MAP3K4: variants seen among roughly 807,000 people sequenced by gnomAD.
The protein encoded by MAP3K4 is mitogen-activated protein kinase kinase kinase 4, also known as MAP three kinase 1.
MAP3K4 carries 67 observed loss-of-function variants against 185.6 expected under a neutral mutation model. The observed-to-expected ratio is 0.36, with a 90% CI of 0.30 to 0.44. MAP3K4 has a LOEUF of 0.44. Among genes scored for constraint, MAP3K4 ranks in the 20% least tolerant of loss-of-function variants. The pLI, the probability that MAP3K4 is intolerant of heterozygous loss-of-function variation, is 1.00. For missense variants in MAP3K4, 1,551 were observed against 1,995.1 expected (o/e 0.78, Z 4.24); for synonymous variants, 702 against 710.4 (o/e 0.99, Z 0.19).
intron 23 of MAP3K4, 98 bp from the exon 24 acceptor site, chr6:161,111,738 T>C: frequency 8.6e-7 from 1 of 1,164,892 alleles, no homozygotes; most frequent in Non-Finnish European, 1.2e-6. Flanking sequence ...TTCGATTGTT[T>C]AGCTTGTGAA....
chr6:161,073,519 C>T lies in MAP3K4; in HGVS notation c.2004C>T (p.Tyr668=), dbSNP rs1445887940. ...VLKGGLLMKQ[Y]YQFMLQEVLE... is the part of the protein sequence containing the mutation. ...AGGGCGGCCTGCTGATGAAGCAGTA[C>T]TACCAGTTCATGCTGCAGGAGGTTC... Residue 668 remains tyrosine, a synonymous_variant, in exon 5 of 27, where the codon TAC becomes TAT. Transcript: ENST00000392142. The surrounding 1 kb of genome is among the most constrained non-coding windows in gnomAD (Gnocchi z 4.2). The T allele has an allele frequency of 6.2e-7, 1 of 1,613,762 alleles. No homozygotes were observed. Among genetic ancestry groups the T allele is most frequent in the East Asian group, 2.2e-5 (1 of 44,850 alleles).
Position 161,048,638 on chromosome 6 carries a change from G to C in MAP3K4, c.366G>C (p.Gln122His). Reference sequence around the variant, plus strand: ...TAGAAAAAATGAATGCACCAAATCAGCCTCCACATAAAGACACTGGAAAAA... The same window carrying C: ...TAGAAAAAATGAATGCACCAAATCACCCTCCACATAAAGACACTGGAAAAA... ...NLKEKMNAPN[Q>H]PPHKDTGKTV... The change falls in exon 3 of 27, where the codon CAG becomes CAC. Residue 122 changes from glutamine (Q) to histidine (H), a missense_variant. By Grantham distance (24) the Gln-to-His change is conservative. This residue lies in a region of MAP3K4 where 287 missense variants were observed against 268.8 expected (regional missense o/e 1.07). Transcript: ENST00000392142. The surrounding 1 kb of genome is among the most constrained non-coding windows in gnomAD (Gnocchi z 4.7). 1 of 1,590,666 alleles carries C rather than the reference G, an allele frequency of 6.3e-7. No individual in the cohort carries two copies. Among genetic ancestry groups the C allele is most frequent in the Non-Finnish European group, 8.5e-7 (1 of 1,172,260 alleles).
chr6:161,012,649 G>A (rs770647439), intron 1 of MAP3K4, among the ~76,000 whole-genome samples: 8 of 152,106 alleles, frequency 5.3e-5, no homozygotes, highest in Non-Finnish European at 1.0e-4. Context: ...GCAGAATACC[G>A]GGAATCTGGT....
chr6:161,097,237 CT>C lies in MAP3K4; in HGVS notation c.3524+65del, dbSNP rs537453728. ...GTGCCCTCCGATATGCATGCTCATACTTTTGAAACTACTAGATGCTTGCTCT... is the reference window on the plus strand; with the variant it reads ...GTGCCCTCCGATATGCATGCTCATACTTTGAAACTACTAGATGCTTGCTCT... On this transcript the variant is annotated intron_variant, in intron 16 of 26. Transcript: ENST00000392142. This position sits in a 1 kb window ranked among gnomAD's most constrained non-coding sequence, Gnocchi z 4.9. 5,569 of 1,364,838 alleles carry C rather than the reference CT, an allele frequency of 4.1e-3. 56 individuals are homozygous for C. The highest frequency in any genetic ancestry group is 0.028 in the Middle Eastern group (154 of 5,570). 84.5% of individuals were successfully genotyped at this position (1,364,838 alleles called of 1,614,324 possible).
At chr6:161,013,809 A>C (rs973845345) in intron 1 of MAP3K4, among the ~76,000 whole-genome samples, 1 of 152,218 alleles carries the variant, frequency 6.6e-6, no homozygotes, top group Non-Finnish European at 1.5e-5. Context: ...TTATGCAGAA[A>C]TTTCTAGGGA....
intron 10 of MAP3K4, 58 bp from the exon 11 acceptor site, chr6:161,089,264 A>C: frequency 6.4e-7 from 1 of 1,569,664 alleles, no homozygotes; most frequent in Non-Finnish European, 8.6e-7. Context: ...GTGTTGAACT[A>C]GAATAACAAC....
rs1447014977 is a variant in MAP3K4 at position 160,992,036 on chromosome 6, A to G, written c.105A>G (p.Pro35=). 6.4e-7 allele frequency: 1 copy of G among 1,571,922 alleles called. No homozygotes were observed. The highest frequency in any genetic ancestry group is 2.4e-5 in the East Asian group (1 of 41,520). Residue 35 remains proline, a synonymous_variant, in exon 1 of 27, where the codon CCA becomes CCG. Coordinates refer to ENST00000392142, the MANE Select transcript of MAP3K4 (RefSeq NM_005922.4). The part of the protein sequence containing the change: ...PPPPPPPPPP[P]PEPETESEPE... Reference sequence around the variant, plus strand: ...CACCGCCGCCGCCGCCACCACCGCCACCGGAACCCGAGACCGAGTCAGAAC... The same window carrying G: ...CACCGCCGCCGCCGCCACCACCGCCGCCGGAACCCGAGACCGAGTCAGAAC...
rs1785035635 is a variant in MAP3K4 at position 161,073,419 on chromosome 6, C to G, written c.1951-47C>G. 2 of 1,496,466 alleles carry G rather than the reference C, an allele frequency of 1.3e-6. No homozygotes were observed. Among genetic ancestry groups the G allele is most frequent in the Admixed American group, 2.3e-5 (1 of 42,620 alleles). The allele number at this position is 1,496,466 out of a possible 1,614,324, so 92.7% of individuals were successfully genotyped here. A position where few individuals can be genotyped will look rare whatever the true frequency, so the allele number is the denominator to read the frequency against. On this transcript the variant is annotated intron_variant, in intron 4 of 26. Coordinates refer to ENST00000392142, the MANE Select transcript of MAP3K4 (RefSeq NM_005922.4). The surrounding 1 kb of genome is among the most constrained non-coding windows in gnomAD (Gnocchi z 4.2). The stretch of plus-strand genomic sequence containing the variant: ...TAGGAAGATATAAAACACGGATCGT[C>G]TGGTTGGAGTTTATGGCTGCTGGAA...
At chr6:161,035,544 G>T (rs1783124693) in intron 2 of MAP3K4, among the ~76,000 whole-genome samples, 1 of 152,160 alleles carries the variant, frequency 6.6e-6, no homozygotes, top group South Asian at 2.1e-4. Flanking sequence ...GCAGGAAAGA[G>T]TCTTTCCCAC....
chr6:161,009,843 A>C (rs370707654), intron 1 of MAP3K4, among the ~76,000 whole-genome samples: 1 of 152,116 alleles, frequency 6.6e-6, no homozygotes, highest in Non-Finnish European at 1.5e-5. Context: ...GAGGGGAACA[A>C]CACTTACTGG....
At chr6:160,992,867 CTTTTT>C (rs953883663) in intron 1 of MAP3K4, among the ~76,000 whole-genome samples, 2 of 151,872 alleles carry the variant, frequency 1.3e-5, no homozygotes, top group Non-Finnish European at 2.9e-5. Flanking sequence ...GAATTTCCCT[CTTTTT>C]ACGTGCCTAT....
Position 161,097,943 on chromosome 6 carries a change from T to G in MAP3K4, c.3525-335T>G, listed in dbSNP as rs547888098. On this transcript the variant is annotated intron_variant, in intron 16 of 26. Transcript: ENST00000392142. The surrounding 1 kb of genome is among the most constrained non-coding windows in gnomAD (Gnocchi z 4.9). ...CAAAAAATACAACAAAGATAATAGC[T>G]GGGTATGGTGGCCGTGCCTGTAGTC... Among the ~76,000 whole-genome samples the G allele has an allele frequency of 1.9e-4, 29 of 151,690 alleles. No homozygotes were observed. The highest frequency in any genetic ancestry group is 6.5e-4 in the African/African-American group (27 of 41,324).
In MAP3K4 at chr6:161,089,393, C is replaced by G. The variant is rs1785912100; in HGVS notation, c.2895C>G (p.Ser965=). ...LTIQRKAFQQ[S]IEGLMTLCQE... ...TTCAGAGAAAAGCTTTCCAGCAGTC[C>G]ATTGAGGGACTTATGACTCTGTGCC... is the stretch of plus-strand genomic sequence containing the variant. Residue 965 remains serine, a synonymous_variant, in exon 11 of 27, where the codon TCC becomes TCG. Coordinates refer to ENST00000392142, the MANE Select transcript of MAP3K4 (RefSeq NM_005922.4). The G allele has an allele frequency of 3.1e-6, 5 of 1,614,166 alleles. No individual in the cohort carries two copies. The highest frequency in any genetic ancestry group is 4.2e-6 in the Non-Finnish European group (5 of 1,180,036).
At position 161,091,934 on chromosome 6, in the gene MAP3K4, A is replaced by T; in HGVS notation, c.3136-76A>T. On this transcript the variant is annotated intron_variant, in intron 12 of 26. Coordinates refer to ENST00000392142, the MANE Select transcript of MAP3K4 (RefSeq NM_005922.4). The surrounding 1 kb of genome is among the most constrained non-coding windows in gnomAD (Gnocchi z 5.5). ...ACTTTTTGTTTTTAGAAAACATTTT[A>T]GACATGGCATTATAGTGTGTGATAT... 8.2e-7 allele frequency: 1 copy of T among 1,220,926 alleles called. No homozygotes were observed. Among genetic ancestry groups the T allele is most frequent in the Non-Finnish European group, 1.2e-6 (1 of 856,332 alleles). The allele number at this position is 1,220,926 out of a possible 1,614,324, so 75.6% of individuals were successfully genotyped here. A position where few individuals can be genotyped will look rare whatever the true frequency, so the allele number is the denominator to read the frequency against.
Position 161,054,005 on chromosome 6 carries a change from G to A in MAP3K4, c.1707+4026G>A, listed in dbSNP as rs1244726897. Reference sequence around the variant, plus strand: ...TTCGTGATAATAGGAATGAATATAGGTGAAGGATTTTGTAGAAAAGAAGAA... The same window carrying A: ...TTCGTGATAATAGGAATGAATATAGATGAAGGATTTTGTAGAAAAGAAGAA... On this transcript the variant is annotated intron_variant, in intron 3 of 26. Coordinates refer to ENST00000392142, the MANE Select transcript of MAP3K4 (RefSeq NM_005922.4). The surrounding 1 kb of genome is among the most constrained non-coding windows in gnomAD (Gnocchi z 4.2). Among the ~76,000 whole-genome samples, 1 of 152,168 alleles carries A rather than the reference G, an allele frequency of 6.6e-6. No individual in the cohort carries two copies. The highest frequency in any genetic ancestry group is 2.4e-5 in the African/African-American group (1 of 41,432).
rs145557745 is a variant in MAP3K4, at chr6:161,073,411, C to T, written c.1951-55C>T. The T allele has an allele frequency of 8.6e-4, 1,271 of 1,479,310 alleles. 11 individuals are homozygous for T. In the African/African-American group the frequency reaches 0.016, roughly 19 times the overall value. 91.6% of individuals were successfully genotyped at this position (1,479,310 alleles called of 1,614,324 possible). On this transcript the variant is annotated intron_variant, in intron 4 of 26. Transcript: ENST00000392142. This position sits in a 1 kb window ranked among gnomAD's most constrained non-coding sequence, Gnocchi z 4.2. ...GATTTAAGTAGGAAGATATAAAACACGGATCGTCTGGTTGGAGTTTATGGC... is the reference window on the plus strand; with the variant it reads ...GATTTAAGTAGGAAGATATAAAACATGGATCGTCTGGTTGGAGTTTATGGC...
At position 161,103,537 on chromosome 6, in the gene MAP3K4, C is replaced by T. The variant is rs748561347; in HGVS notation, c.3856+758C>T. Reference sequence around the variant, plus strand: ...GAAGGAAGTGTGCACCCAGAGGCCTCGTGACTACAGGGGAGAGCCACTGGG... The same window carrying T: ...GAAGGAAGTGTGCACCCAGAGGCCTTGTGACTACAGGGGAGAGCCACTGGG... On this transcript the variant is annotated intron_variant, in intron 19 of 26. Coordinates refer to ENST00000392142, the MANE Select transcript of MAP3K4 (RefSeq NM_005922.4). This position sits in a 1 kb window ranked among gnomAD's most constrained non-coding sequence, Gnocchi z 4.6. Among the ~76,000 whole-genome samples the T allele has an allele frequency of 7.2e-5, 11 of 152,162 alleles. No individual in the cohort carries two copies. The highest frequency in any genetic ancestry group is 1.0e-4 in the Non-Finnish European group (7 of 68,048).
intron 1 of MAP3K4, among the ~76,000 whole-genome samples, chr6:161,020,891 A>G (rs1450907754): frequency 6.6e-6 from 1 of 152,318 alleles, no homozygotes; most frequent in East Asian, 1.9e-4. Context: ...GGGAATACAC[A>G]GGGCCTTTAA....
In MAP3K4 at chr6:161,007,248, A is replaced by G. The variant is rs1302336972; in HGVS notation, c.152+15165A>G. Among the ~76,000 whole-genome samples, 1 of 152,206 alleles carries G rather than the reference A, an allele frequency of 6.6e-6. No individual in the cohort carries two copies. The highest frequency in any genetic ancestry group is 1.9e-4 in the East Asian group (1 of 5,194). On this transcript the variant is annotated intron_variant, in intron 1 of 26. Transcript: ENST00000392142. The surrounding 1 kb of genome is among the most constrained non-coding windows in gnomAD (Gnocchi z 4.5). ...GAGTCCTGGCATCAAAACAAAGGAA[A>G]AATACAGTGGACAGTTAAGTAGACG...
Sources: gnomAD v4.1 joint callset for allele counts (sites outside exome capture counted in the v4.1 genomes callset) on GRCh38, gnomAD v4.1.1 for gene constraint, gnomAD v4.1.1 regional missense constraint, Gnocchi (gnomAD v3.1) non-coding constraint, MANE v1.5 for transcripts, NCBI Gene and HGNC (gene_info 2026-07-23, HGNC 2026-07-21) for gene names.